Variants in FYB2 observed in about 807,000 individuals in gnomAD.
The protein encoded by FYB2 is FYN-binding protein 2.
In FYB2, 103 loss-of-function variants were observed where a neutral mutation model predicts 94.1. The observed-to-expected ratio is 1.09, with a 90% CI of 0.93 to 1.29. The LOEUF is 1.29. Ranked by LOEUF, FYB2 falls within the 50% of genes most tolerant of loss-of-function variation. FYB2 has a pLI of 0.00. For synonymous variants in FYB2, 293 were observed against 287.9 expected, an observed-to-expected ratio of 1.02 and a Z score of -0.18; for missense variants, 896 against 841.5, an observed-to-expected ratio of 1.06 and a Z score of -0.80.
chr1:56,769,520 A>G (rs1232734687), intron 4 of FYB2, among the ~76,000 whole-genome samples: 3 of 152,206 alleles, frequency 2.0e-5, no homozygotes. Flanking sequence ...TATTCAAATT[A>G]TAATAGCTAT....
intron 1 of FYB2, among the ~76,000 whole-genome samples, chr1:56,804,337 TA>T (rs1460045034): frequency 6.6e-6 from 1 of 152,176 alleles, no homozygotes; most frequent in African/African-American, 2.4e-5. Flanking sequence ...AATGAGTGAA[TA>T]TATTTCTGGA....
intron 8 of FYB2, among the ~76,000 whole-genome samples, chr1:56,751,645 T>G (rs1645201753): frequency 6.6e-6 from 1 of 152,018 alleles, no homozygotes; most frequent in Non-Finnish European, 1.5e-5. Context: ...GTATTCCTTT[T>G]CATTTCCTTC....
At chr1:56,749,276 CT>C (rs1248066980) in intron 9 of FYB2, among the ~76,000 whole-genome samples, 1 of 151,744 alleles carries the variant, frequency 6.6e-6, no homozygotes, top group Admixed American at 6.6e-5. Flanking sequence ...ATTATTTCCT[CT>C]TCCTCACTTT....
At chr1:56,811,061 C>T (rs11206921) in intron 1 of FYB2, among the ~76,000 whole-genome samples, 10,374 of 152,132 alleles carry the variant, frequency 0.068, 497 homozygotes, top group East Asian at 0.17. Flanking sequence ...AGGTATGCAC[C>T]GGGCATGATT....
chr1:56,807,300 C>T (rs1249195915), intron 1 of FYB2, among the ~76,000 whole-genome samples: 1 of 152,164 alleles, frequency 6.6e-6, no homozygotes, highest in African/African-American at 2.4e-5. Context: ...ATGTAAACTC[C>T]TCAGCCGATG....
rs571827867 is a variant in FYB2, at chr1:56,738,492, ATCT to A, written c.1732+130_1732+132del. ...GTAAAAAAATACTTCCGTGTGAAAC[ATCT>A]TCTTTGATTTTGGTAGAGCAATTTT... On this transcript the variant is annotated intron_variant, in intron 14 of 19. Transcript: ENST00000343433. The A allele has an allele frequency of 1.2e-3, 1,095 of 905,892 alleles. 3 individuals are homozygous for A. The highest frequency in any genetic ancestry group is 0.011 in the Middle Eastern group (47 of 4,408). The allele number at this position is 905,892 out of a possible 1,614,324, so 56.1% of individuals were successfully genotyped here. A position where few individuals can be genotyped will look rare whatever the true frequency, so the allele number is the denominator to read the frequency against.
At chr1:56,817,132 G>T (rs1172130021) in intron 1 of FYB2, among the ~76,000 whole-genome samples, 1 of 152,138 alleles carries the variant, frequency 6.6e-6, no homozygotes, top group Non-Finnish European at 1.5e-5. Context: ...TGCCCAGGTG[G>T]CTCTCCATTT....
upstream of FYB2, among the ~76,000 whole-genome samples, chr1:56,822,809 C>T (rs192572302): frequency 4.0e-5 from 6 of 151,828 alleles, no homozygotes; most frequent in East Asian, 1.2e-3. Flanking sequence ...GTCCTCACCT[C>T]TTTCTAAGGT....
intron 8 of FYB2, 109 bp from the exon 9 acceptor site, chr1:56,751,312 C>A: frequency 8.6e-7 from 1 of 1,160,956 alleles, no homozygotes. Flanking sequence ...AATTATTTAT[C>A]ATTTATTTAA....
In FYB2 at chr1:56,792,127, G is replaced by T; in HGVS notation, c.686C>A (p.Pro229His). Reference protein sequence around the residue: ...QHIRKSWENPPPERSPASSPC... With the variant: ...QHIRKSWENPHPERSPASSPC... The stretch of plus-strand genomic sequence containing the variant: ...GCTGCTTGCCGGGCTCCTCTCAGGA[G>T]GTGGGTTTTCCCAGCTTTTTCTGAT... The change falls in exon 2 of 20, where the codon CCT becomes CAT. Residue 229 changes from proline (P) to histidine (H), a missense_variant. By Grantham distance (77) the Pro-to-His change is moderately conservative. Coordinates refer to ENST00000343433, the MANE Select transcript of FYB2 (RefSeq NM_001004303.5). 6.2e-7 allele frequency: 1 copy of T among 1,613,716 alleles called. No individual in the cohort carries two copies. The highest frequency in any genetic ancestry group is 1.7e-5 in the Admixed American group (1 of 59,986).
intron 8 of FYB2, 72 bp from the exon 9 acceptor site, chr1:56,751,275 G>T: frequency 1.4e-6 from 2 of 1,403,472 alleles, no homozygotes; most frequent in Non-Finnish European, 9.7e-7. Flanking sequence ...TACTTGTACA[G>T]TTTTTCATTC....
chr1:56,724,852 G>C (rs1644553885), intron 16 of FYB2, among the ~76,000 whole-genome samples: 1 of 151,952 alleles, frequency 6.6e-6, no homozygotes, highest in African/African-American at 2.4e-5. Flanking sequence ...GTTGACATTT[G>C]GTCCCTAATG....
chr1:56,759,442 AACTGCATAGCATGTT>A (rs1645436188), intron 5 of FYB2, among the ~76,000 whole-genome samples: 2 of 152,140 alleles, frequency 1.3e-5, no homozygotes, highest in South Asian at 4.1e-4. Flanking sequence ...CAGGCAACAA[AACTGCATAGCATGTT>A]ACTGTACTGA....
rs1010519468 is a variant in FYB2, at chr1:56,819,387, G to T, written c.-97C>A. 1.3e-6 allele frequency: 2 copies of T among 1,539,694 alleles called. No individual in the cohort carries two copies. Among genetic ancestry groups the T allele is most frequent in the African/African-American group, 1.4e-5 (1 of 73,400 alleles). On this transcript the variant is annotated 5_prime_UTR_variant, in exon 1 of 20. Transcript: ENST00000343433. ...GCTTTCCTCTGTCTCTGCTAGCCAG[G>T]GAGCAATCACTTCCCACAGGACACA...
At chr1:56,741,397 C>T (rs1002264797) in intron 12 of FYB2, among the ~76,000 whole-genome samples, 1 of 152,012 alleles carries the variant, frequency 6.6e-6, no homozygotes, top group Admixed American at 6.6e-5. Context: ...TATAGAAAAT[C>T]CTGACTCTTG....
At chr1:56,749,096 G>T in intron 9 of FYB2, among the ~76,000 whole-genome samples, 2 of 149,716 alleles carry the variant, frequency 1.3e-5, no homozygotes. Context: ...CCCTTTGTCT[G>T]TTTTTAAGGT....
intron 1 of FYB2, among the ~76,000 whole-genome samples, chr1:56,814,581 G>A (rs548221537): frequency 1.3e-5 from 2 of 152,172 alleles, no homozygotes; most frequent in African/African-American, 2.4e-5. Flanking sequence ...TCTCAGCAAA[G>A]ATGAACAGGA....
chr1:56,826,038 G>A, the FYB2 span, among the ~76,000 whole-genome samples: 25 of 152,318 alleles, frequency 1.6e-4, no homozygotes, highest in East Asian at 4.8e-3. Context: ...ATGCCTGCTA[G>A]GCACGCATTC....
intron 4 of FYB2, among the ~76,000 whole-genome samples, chr1:56,779,648 T>A (rs1173076291): frequency 6.6e-6 from 1 of 152,216 alleles, no homozygotes; most frequent in African/African-American, 2.4e-5. Flanking sequence ...TTTCCATCCA[T>A]CCTTCTCCCC....
Sources: gnomAD v4.1 joint callset for allele counts (sites outside exome capture counted in the v4.1 genomes callset) on GRCh38, gnomAD v4.1.1 for gene constraint, MANE v1.5 for transcripts, NCBI Gene and HGNC (gene_info 2026-07-23, HGNC 2026-07-21) for gene names.